PIP5K1B: variants seen among roughly 807,000 people sequenced by gnomAD.
PIP5K1B encodes the protein phosphatidylinositol 4-phosphate 5-kinase type-1 beta.
A neutral mutation model predicts 67.0 loss-of-function variants in PIP5K1B; 42 were observed. The observed-to-expected ratio is 0.63, with a 90% CI of 0.49 to 0.81. PIP5K1B has a LOEUF of 0.81. PIP5K1B is among the 30% of genes least tolerant of loss of function. The pLI is 0.00. For synonymous variants in PIP5K1B, 214 were observed against 231.4 expected (o/e 0.92, Z 0.68); for missense variants, 459 against 646.3 (o/e 0.71, Z 3.14).
chr9:68,800,769 A>G (rs1485051657), intron 2 of PIP5K1B, among the ~76,000 whole-genome samples: 1 of 152,194 alleles, frequency 6.6e-6, no homozygotes, highest in African/African-American at 2.4e-5. Flanking sequence ...GGCATTTGCT[A>G]AATCAGAAAG....
At chr9:68,814,084 G>A (rs994717836) in intron 2 of PIP5K1B, among the ~76,000 whole-genome samples, 3 of 152,122 alleles carry the variant, frequency 2.0e-5, no homozygotes, top group African/African-American at 4.8e-5. Context: ...GAGTGCCACC[G>A]TGCCACTCAG....
chr9:68,736,341 A>G (rs754007588), intron 1 of PIP5K1B, among the ~76,000 whole-genome samples: 1 of 152,196 alleles, frequency 6.6e-6, no homozygotes, highest in Non-Finnish European at 1.5e-5. Flanking sequence ...CATATTTCAC[A>G]TGTAGTAATT....
In PIP5K1B at chr9:68,809,585, G is replaced by A. The variant is rs149510177; in HGVS notation, c.-85-8876G>A. Among the ~76,000 whole-genome samples, 544 of 152,150 alleles carry A rather than the reference G, an allele frequency of 3.6e-3. 2 individuals carry two copies. Among genetic ancestry groups the A allele is most frequent in the African/African-American group, 0.012 (511 of 41,502 alleles). On this transcript the variant is annotated intron_variant, in intron 2 of 15. Transcript: ENST00000265382. ...ACATCCTAAACCTCGGGCTACTTGC[G>A]GGCAAATTGTTAAAATGCAGGACTC...
At position 68,783,515 on chromosome 9, in the gene PIP5K1B, A is replaced by G. The variant is rs762717909; in HGVS notation, c.-85-34946A>G. 1.8e-5 allele frequency: 3 copies of G among 166,988 alleles called. No homozygotes were observed. In the Admixed American group the frequency reaches 2.0e-4, roughly 11 times the overall value. The allele number at this position is 166,988 out of a possible 1,614,324, so 10.3% of individuals were successfully genotyped here. A position where few individuals can be genotyped will look rare whatever the true frequency, so the allele number is the denominator to read the frequency against. Reference sequence around the variant, plus strand: ...TAAAATTCATCTTCCCTTTCCACAGATAACTTCTGTTAACAACTTGATATC... The same window carrying G: ...TAAAATTCATCTTCCCTTTCCACAGGTAACTTCTGTTAACAACTTGATATC... On this transcript the variant is annotated intron_variant, in intron 2 of 15. Transcript: ENST00000265382.
intron 7 of PIP5K1B, among the ~76,000 whole-genome samples, chr9:68,890,970 A>G (rs1006186146): frequency 1.3e-5 from 2 of 152,212 alleles, no homozygotes; most frequent in Non-Finnish European, 2.9e-5. Context: ...GTTAAGGGCC[A>G]GGAATGGTGG....
intron 2 of PIP5K1B, among the ~76,000 whole-genome samples, chr9:68,767,608 A>G (rs563787522): frequency 2.0e-3 from 297 of 151,454 alleles, no homozygotes; most frequent in Non-Finnish European, 3.3e-3. Context: ...AAAAAAAAAA[A>G]AAAAAGAAAA....
chr9:68,938,995 T>G (rs2132628577), intron 13 of PIP5K1B, among the ~76,000 whole-genome samples: 1 of 152,354 alleles, frequency 6.6e-6, no homozygotes, highest in South Asian at 2.1e-4. Context: ...GTTAGCCAAC[T>G]CAGGGCAACC....
chr9:68,780,733 C>T, intron 2 of PIP5K1B: 2 of 1,614,228 alleles, frequency 1.2e-6, no homozygotes, highest in Non-Finnish European at 1.7e-6. Flanking sequence ...AGCCAGAGCC[C>T]CATCAATTGC....
intron 7 of PIP5K1B, among the ~76,000 whole-genome samples, chr9:68,893,793 A>G (rs973897592): frequency 2.0e-5 from 3 of 152,256 alleles, no homozygotes; most frequent in Admixed American, 6.5e-5. Context: ...CTAAAAATAC[A>G]TAAGTAATCA....
chr9:68,786,464 T>A (rs1410698979), intron 2 of PIP5K1B, among the ~76,000 whole-genome samples: 2 of 134,934 alleles, frequency 1.5e-5, no homozygotes, highest in African/African-American at 5.8e-5. Flanking sequence ...TTGGTTTTTT[T>A]ATTATTATTA....
At chr9:68,919,821 A>G in intron 11 of PIP5K1B, 92 bp downstream of exon 11, 1 of 701,404 alleles carries the variant, frequency 1.4e-6, no homozygotes. Context: ...GCTAGACTCT[A>G]AGAGGAAATG....
At chr9:68,790,989 G>A (rs1048896501) in intron 2 of PIP5K1B, among the ~76,000 whole-genome samples, 1 of 152,212 alleles carries the variant, frequency 6.6e-6, no homozygotes, top group African/African-American at 2.4e-5. Context: ...ATGACTGAAA[G>A]TAGAGAACAG....
chr9:68,709,831 G>A (rs1257130377), intron 1 of PIP5K1B, among the ~76,000 whole-genome samples: 3 of 152,152 alleles, frequency 2.0e-5, no homozygotes, highest in African/African-American at 7.2e-5. Flanking sequence ...GATCACTGGA[G>A]CCTAGGAGTT....
chr9:68,912,132 AGTAGGTACTTCCTG>A (rs1002414585), intron 8 of PIP5K1B, among the ~76,000 whole-genome samples: 1 of 152,108 alleles, frequency 6.6e-6, no homozygotes, highest in Non-Finnish European at 1.5e-5. Flanking sequence ...CCCAGTCGAA[AGTAGGTACTTCCTG>A]TGGGATCTTC....
At chr9:68,844,480 T>C (rs986401328) in intron 4 of PIP5K1B, among the ~76,000 whole-genome samples, 11 of 152,140 alleles carry the variant, frequency 7.2e-5, no homozygotes, top group African/African-American at 2.2e-4. Flanking sequence ...ACTAGAAGAC[T>C]GGCTTGTTGG....
At chr9:68,902,425 A>G (rs1288056526) in intron 8 of PIP5K1B, among the ~76,000 whole-genome samples, 1 of 152,164 alleles carries the variant, frequency 6.6e-6, no homozygotes, top group Admixed American at 6.5e-5. Context: ...TATTCATCCA[A>G]TTATTGCCTG....
intron 15 of PIP5K1B, among the ~76,000 whole-genome samples, chr9:68,999,856 C>T (rs572668141): frequency 1.1e-4 from 17 of 152,296 alleles, no homozygotes; most frequent in African/African-American, 3.1e-4. Context: ...GATGGAGCCC[C>T]TAGAGTTGAA....
intron 8 of PIP5K1B, among the ~76,000 whole-genome samples, chr9:68,902,498 T>G (rs1825413459): frequency 6.6e-6 from 1 of 152,238 alleles, no homozygotes; most frequent in African/African-American, 2.4e-5. Flanking sequence ...TATCACAGTT[T>G]ATAACATTCA....
At chr9:68,969,785 G>C (rs1221115146) in intron 14 of PIP5K1B, among the ~76,000 whole-genome samples, 1 of 152,164 alleles carries the variant, frequency 6.6e-6, no homozygotes, top group African/African-American at 2.4e-5. Flanking sequence ...CAGTGGGGAA[G>C]ACTGATAATA....
Sources: gnomAD v4.1 joint callset for allele counts (sites outside exome capture counted in the v4.1 genomes callset) on GRCh38, gnomAD v4.1.1 for gene constraint, MANE v1.5 for transcripts, NCBI Gene and HGNC (gene_info 2026-07-23, HGNC 2026-07-21) for gene names.